The following ABLIM1 variants were observed in gnomAD, a reference collection of about 807,000 sequenced individuals.
ABLIM1 encodes the protein actin binding LIM protein 1.
ABLIM1 carries 40 observed loss-of-function variants against 107.0 expected under a neutral mutation model. The observed-to-expected ratio is 0.37, with a 90% CI of 0.29 to 0.49. The LOEUF (loss-of-function observed/expected upper bound fraction) is 0.49. ABLIM1 is among the 20% of genes least tolerant of loss of function. The probability of loss-of-function intolerance (pLI) is 0.97; values close to 1 mark genes in which losing one functional copy is unlikely to be tolerated. For synonymous variants in ABLIM1, 357 were observed against 357.3 expected (o/e 1.00, Z 0.01); for missense variants, 857 against 1,008.5 (o/e 0.85, Z 2.04).
intron 1 of ABLIM1, among the ~76,000 whole-genome samples, chr10:114,606,022 T>C (rs959415042): frequency 5.3e-5 from 8 of 152,092 alleles, no homozygotes; most frequent in African/African-American, 1.9e-4. Context: ...GCAGAGGCCA[T>C]GGCAGGTCAT....
At chr10:114,505,989 G>A (rs2061077354) in intron 6 of ABLIM1, among the ~76,000 whole-genome samples, 1 of 152,162 alleles carries the variant, frequency 6.6e-6, no homozygotes, top group African/African-American at 2.4e-5. Context: ...AGTAACTGAT[G>A]GGTAGTTTTT....
intron 1 of ABLIM1, among the ~76,000 whole-genome samples, chr10:114,670,161 C>T (rs2080189620): frequency 6.6e-6 from 1 of 152,190 alleles, no homozygotes; most frequent in African/African-American, 2.4e-5. Flanking sequence ...GGAAACATCA[C>T]ACAAGGTTCC....
intron 1 of ABLIM1, among the ~76,000 whole-genome samples, chr10:114,692,834 G>A (rs2081111254): frequency 6.6e-6 from 1 of 152,214 alleles, no homozygotes; most frequent in African/African-American, 2.4e-5. Flanking sequence ...AGATTGCAGT[G>A]AGCTGAGGTG....
intron 6 of ABLIM1, among the ~76,000 whole-genome samples, chr10:114,527,682 TGGGATC>T (rs2064984204): frequency 7.0e-6 from 1 of 142,506 alleles, no homozygotes; most frequent in African/African-American, 2.7e-5. Flanking sequence ...TTTTTTGAGA[TGGGATC>T]TCTGTCACCC....
chr10:114,719,203 T>C (rs1284851183), intron 1 of ABLIM1, among the ~76,000 whole-genome samples: 1 of 152,198 alleles, frequency 6.6e-6, no homozygotes, highest in Non-Finnish European at 1.5e-5. Context: ...TATAGTTTCA[T>C]AAGAGTCTGA....
chr10:114,540,427 C>T (rs2066514168), intron 6 of ABLIM1, among the ~76,000 whole-genome samples: 1 of 152,200 alleles, frequency 6.6e-6, no homozygotes, highest in African/African-American at 2.4e-5. Context: ...CCACCCAGAG[C>T]CTTTTCAACT....
At chr10:114,533,982 A>G (rs2065718534) in intron 6 of ABLIM1, among the ~76,000 whole-genome samples, 1 of 152,082 alleles carries the variant, frequency 6.6e-6, no homozygotes, top group Non-Finnish European at 1.5e-5. Flanking sequence ...CTGGCCCTGG[A>G]TTACCTTGTG....
intron 1 of ABLIM1, among the ~76,000 whole-genome samples, chr10:114,677,848 G>T (rs935851259): frequency 6.6e-6 from 1 of 152,154 alleles, no homozygotes; most frequent in Non-Finnish European, 1.5e-5. Context: ...GAGTAAACTG[G>T]TATTAAAGAT....
At chr10:114,776,715 C>G in the ABLIM1 span, among the ~76,000 whole-genome samples, 13 of 152,322 alleles carry the variant, frequency 8.5e-5, no homozygotes, top group African/African-American at 2.6e-4. Flanking sequence ...ACTTCACTCT[C>G]CTGAGCTCCC....
chr10:114,517,148 A>G (rs1234711906), intron 6 of ABLIM1, among the ~76,000 whole-genome samples: 1 of 152,192 alleles, frequency 6.6e-6, no homozygotes, highest in Admixed American at 6.5e-5. Flanking sequence ...GGCTGAGTTG[A>G]ACTGTGGTCC....
chr10:114,584,971 AATG>A (rs1203483855), intron 2 of ABLIM1, among the ~76,000 whole-genome samples: 3 of 152,108 alleles, frequency 2.0e-5, no homozygotes, highest in South Asian at 4.1e-4. Context: ...CTCAAGAAAC[AATG>A]ATATCATACA....
At chr10:114,486,464 A>G (rs2058202640) in intron 8 of ABLIM1, among the ~76,000 whole-genome samples, 1 of 152,242 alleles carries the variant, frequency 6.6e-6, no homozygotes, top group Admixed American at 6.5e-5. Flanking sequence ...GATAAAAGTC[A>G]CAATAAGGAT....
At chr10:114,512,661 T>C (rs1177640105) in intron 6 of ABLIM1, among the ~76,000 whole-genome samples, 1 of 151,884 alleles carries the variant, frequency 6.6e-6, no homozygotes, top group East Asian at 1.9e-4. Context: ...CCTGTCTCTA[T>C]TACAAATACA....
At position 114,759,896 on chromosome 10, in the gene ABLIM1, A is replaced by T. The variant is rs11196902; in HGVS notation, c.-213+8165T>A. Among the ~76,000 whole-genome samples the T allele has an allele frequency of 7.8e-4, 119 of 152,298 alleles. No individual in the cohort carries two copies. In the East Asian group the frequency reaches 0.013, roughly 17 times the overall value. On this transcript the variant is annotated intron_variant, in intron 1 of 15. Transcript: ENST00000651092. The stretch of plus-strand genomic sequence containing the variant: ...TTTAACATTTGTCCTAGATAGAAGC[A>T]TCCCAGGTGGAATTATAACTTATAT...
At chr10:114,622,887 A>G (rs933203605) in intron 1 of ABLIM1, among the ~76,000 whole-genome samples, 1 of 152,198 alleles carries the variant, frequency 6.6e-6, no homozygotes, top group Non-Finnish European at 1.5e-5. Flanking sequence ...CCTAAACAAC[A>G]TATTTCAATT....
At chr10:114,781,784 AACTG>A in the ABLIM1 span, among the ~76,000 whole-genome samples, 1 of 151,658 alleles carries the variant, frequency 6.6e-6, no homozygotes, top group Non-Finnish European at 1.5e-5. Context: ...TCTGATATCA[AACTG>A]ACTAAATTTA....
intron 6 of ABLIM1, among the ~76,000 whole-genome samples, chr10:114,508,724 G>A (rs1446971799): frequency 6.6e-6 from 1 of 152,178 alleles, no homozygotes; most frequent in East Asian, 1.9e-4. Flanking sequence ...AAATAAGAAA[G>A]AGTAAAATGG....
rs1001447860 is a variant in ABLIM1 at position 114,594,439 on chromosome 10, A to T, written c.379+7388T>A. Among the ~76,000 whole-genome samples the T allele has an allele frequency of 3.3e-5, 5 of 152,208 alleles. 1 individual carries two copies. Among genetic ancestry groups the T allele is most frequent in the Admixed American group, 3.3e-4 (5 of 15,272 alleles). The stretch of plus-strand genomic sequence containing the variant: ...GTAAAGCAATTGATAAATCTTTGTG[A>T]CTAGCTATGCCATTAAAAACATTTA... On this transcript the variant is annotated intron_variant, in intron 2 of 22. Coordinates refer to ENST00000533213, the MANE Select transcript of ABLIM1 (RefSeq NM_002313.7).
At chr10:114,664,554 A>AT (rs201799432) in intron 1 of ABLIM1, among the ~76,000 whole-genome samples, 4,804 of 150,198 alleles carry the variant, frequency 0.032, 229 homozygotes, top group African/African-American at 0.1. Context: ...ATTTTATTTT[A>AT]TTTTTTTTTG....
Sources: gnomAD v4.1 joint callset for allele counts (sites outside exome capture counted in the v4.1 genomes callset) on GRCh38, gnomAD v4.1.1 for gene constraint, MANE v1.5 for transcripts, NCBI Gene and HGNC (gene_info 2026-07-23, HGNC 2026-07-21) for gene names.